The following ACVR1C variants were observed in gnomAD, a reference collection of about 807,000 sequenced individuals.
ACVR1C encodes activin receptor type-1C.
A neutral mutation model predicts 57.9 loss-of-function variants in ACVR1C; 23 were observed. That is an observed-to-expected ratio of 0.40 (90% CI 0.29 to 0.56). ACVR1C has a LOEUF of 0.56. ACVR1C is among the 20% of genes least tolerant of loss of function. ACVR1C has a pLI of 0.50. For missense variants in ACVR1C, 480 were observed against 607.9 expected (o/e 0.79, Z 2.21); for synonymous variants, 214 against 215.3 (o/e 0.99, Z 0.05).
At chr2:157,550,617 TA>T (rs755768429) in intron 3 of ACVR1C, among the ~76,000 whole-genome samples, 1 of 152,046 alleles carries the variant, frequency 6.6e-6, no homozygotes, top group Non-Finnish European at 1.5e-5. Flanking sequence ...TATTCACAAG[TA>T]AAAATTTTTT....
intron 1 of ACVR1C, 115 bp from the exon 2 acceptor site, chr2:157,587,532 A>T: frequency 1.3e-6 from 1 of 759,818 alleles, no homozygotes; most frequent in Non-Finnish European, 2.1e-6. Flanking sequence ...GGTTTAAATA[A>T]AAACACTTGC....
At chr2:157,552,947 T>C (rs918085316) in intron 3 of ACVR1C, among the ~76,000 whole-genome samples, 1 of 152,208 alleles carries the variant, frequency 6.6e-6, no homozygotes, top group African/African-American at 2.4e-5. Context: ...TCAGTCAGAA[T>C]TGTTACACCA....
Position 157,538,642 on chromosome 2 carries a change from C to A in ACVR1C, c.1287G>T (p.Glu429Asp). 6.3e-7 allele frequency: 1 copy of A among 1,585,584 alleles called. No individual in the cohort carries two copies. The change falls in exon 8 of 9, where the codon GAG becomes GAT. Residue 429 changes from glutamate to aspartate, a missense_variant. Coordinates refer to ENST00000243349, the MANE Select transcript of ACVR1C (RefSeq NM_145259.3). ...YDMVPSDPSI[E>D]EMRKVVCDQK... ...GGTCACAAACAACCTTTCTCATTTC[C>A]TCTATCGAGGGATCTGAAGGCACCA...
rs1002693895 is a variant in ACVR1C, at chr2:157,598,876, G to A, written c.74-11459C>T. Among the ~76,000 whole-genome samples the A allele has an allele frequency of 5.9e-5, 9 of 152,144 alleles. No individual in the cohort carries two copies. In the South Asian group the frequency reaches 1.7e-3, roughly 28 times the overall value. On this transcript the variant is annotated intron_variant, in intron 1 of 8. Coordinates refer to ENST00000243349, the MANE Select transcript of ACVR1C (RefSeq NM_145259.3). ...TCTAATACAAATTATTAATCTGGGG[G>A]TTGACTGCATCAGAAAGTGGAGCTG...
In ACVR1C at chr2:157,533,024, A is replaced by ATGGT. The variant is rs921189200; in HGVS notation, c.*890_*893dup. 2 of 152,202 alleles carry ATGGT rather than the reference A, an allele frequency of 1.3e-5. No individual in the cohort carries two copies. Among genetic ancestry groups the ATGGT allele is most frequent in the African/African-American group, 2.4e-5 (1 of 41,462 alleles). The allele number at this position is 152,202 out of a possible 1,614,324, so 9.4% of individuals were successfully genotyped here. A position where few individuals can be genotyped will look rare whatever the true frequency, so the allele number is the denominator to read the frequency against. The stretch of plus-strand genomic sequence containing the variant: ...TCTATGAGAAAAAATGTCAACAGAT[A>ATGGT]TGGTTCTGAGATTTTGTGCGGGTCC... On this transcript the variant is annotated 3_prime_UTR_variant, in exon 9 of 9. Coordinates refer to ENST00000243349, the MANE Select transcript of ACVR1C (RefSeq NM_145259.3).
intron 1 of ACVR1C, among the ~76,000 whole-genome samples, chr2:157,618,363 A>G (rs1459684260): frequency 2.6e-5 from 4 of 151,812 alleles, no homozygotes; most frequent in Admixed American, 1.3e-4. Flanking sequence ...TATTTAGTCA[A>G]TTTAACCAAA....
chr2:157,567,973 C>G (rs1255362925), intron 2 of ACVR1C, among the ~76,000 whole-genome samples: 1 of 127,134 alleles, frequency 7.9e-6, no homozygotes, highest in Non-Finnish European at 1.7e-5. Context: ...AGAGAAAGGT[C>G]GGGTTACCCT....
chr2:157,541,325 A>C, intron 6 of ACVR1C, 111 bp from the exon 7 acceptor site: 1 of 1,053,298 alleles, frequency 9.5e-7, no homozygotes, highest in Non-Finnish European at 1.3e-6. Context: ...GATTTGAAGC[A>C]CTATAATAGA....
chr2:157,556,192 G>A lies in ACVR1C; in HGVS notation c.445C>T (p.Pro149Ser). Residue 149 changes from proline to serine, a missense_variant, in exon 3 of 9, where the codon CCA becomes TCA. Pro to Ser is a moderately conservative substitution (Grantham distance 74, BLOSUM62 -1). Coordinates refer to ENST00000243349, the MANE Select transcript of ACVR1C (RefSeq NM_145259.3). ...TCAGAGAGTGGTTCCTCCACATTTG[G>A]TCTCTTTTTCTTCCTGTAGGAGCAC... Reference protein sequence around the residue: ...RQCSYRKKKRPNVEEPLSECN... With the variant: ...RQCSYRKKKRSNVEEPLSECN... 6.2e-7 allele frequency: 1 copy of A among 1,613,960 alleles called. No homozygotes were observed. The highest frequency in any genetic ancestry group is 8.5e-7 in the Non-Finnish European group (1 of 1,179,968).
intron 2 of ACVR1C, among the ~76,000 whole-genome samples, chr2:157,586,774 A>T (rs966210982): frequency 6.6e-6 from 1 of 152,174 alleles, no homozygotes; most frequent in African/African-American, 2.4e-5. Flanking sequence ...GTCCCCAGAA[A>T]AGTTGGCAAT....
chr2:157,566,887 C>T (rs1391681969), intron 2 of ACVR1C, among the ~76,000 whole-genome samples: 3 of 151,704 alleles, frequency 2.0e-5, no homozygotes, highest in Non-Finnish European at 4.4e-5. Flanking sequence ...GCCTGCCTGC[C>T]TCTGTAGGCT....
intron 4 of ACVR1C, among the ~76,000 whole-genome samples, chr2:157,545,621 A>T (rs1476941902): frequency 6.6e-6 from 1 of 152,224 alleles, no homozygotes; most frequent in African/African-American, 2.4e-5. Context: ...AAGGTAAAGG[A>T]ATTAAAAAAT....
intron 2 of ACVR1C, among the ~76,000 whole-genome samples, chr2:157,573,381 T>C (rs182120901): frequency 5.3e-4 from 80 of 152,350 alleles, no homozygotes; most frequent in African/African-American, 1.7e-3. Context: ...ATATTTTCTT[T>C]ATTAAAGTAA....
chr2:157,604,563 A>T (rs911007533), intron 1 of ACVR1C, among the ~76,000 whole-genome samples: 1 of 151,958 alleles, frequency 6.6e-6, no homozygotes, highest in African/African-American at 2.4e-5. Context: ...TAGGTAAAGT[A>T]AGTTTTATTT....
intron 4 of ACVR1C, among the ~76,000 whole-genome samples, chr2:157,549,864 G>C (rs571324351): frequency 0.013 from 1,871 of 148,414 alleles, 40 homozygotes; most frequent in African/African-American, 0.044. Flanking sequence ...TTAGCCAGGC[G>C]TAGTGGCGGG....
At chr2:157,575,203 A>T (rs1340234377) in intron 2 of ACVR1C, among the ~76,000 whole-genome samples, 3 of 142,634 alleles carry the variant, frequency 2.1e-5, no homozygotes, top group Non-Finnish European at 3.1e-5. Flanking sequence ...ATCTCGCCTT[A>T]CTACAACCTC....
intron 2 of ACVR1C, among the ~76,000 whole-genome samples, chr2:157,565,868 T>C (rs1426538308): frequency 6.6e-6 from 1 of 152,184 alleles, no homozygotes; most frequent in East Asian, 1.9e-4. Flanking sequence ...TCTTCTTTTA[T>C]CCATTAGCAT....
In ACVR1C at chr2:157,587,300, A is replaced by G; in HGVS notation, c.191T>C (p.Val64Ala). The change falls in exon 2 of 9, where the codon GTC becomes GCC. Residue 64 changes from valine (V) to alanine (A), a missense_variant. Val to Ala is a moderately conservative substitution (Grantham distance 64). Coordinates refer to ENST00000243349, the MANE Select transcript of ACVR1C (RefSeq NM_145259.3). Reference sequence around the variant, plus strand: ...TTGAGCATTCAGTTCTGGAAGGGAGACACAGGATTTGATCACCTGCTCTTT... The same window carrying G: ...TTGAGCATTCAGTTCTGGAAGGGAGGCACAGGATTTGATCACCTGCTCTTT... Reference protein sequence around the residue: ...NGKEQVIKSCVSLPELNAQVF... With the variant: ...NGKEQVIKSCASLPELNAQVF... The G allele has an allele frequency of 6.2e-7, 1 of 1,613,708 alleles. No homozygotes were observed. The highest frequency in any genetic ancestry group is 8.5e-7 in the Non-Finnish European group (1 of 1,179,692).
chr2:157,564,275 A>C (rs1688308207), intron 2 of ACVR1C, among the ~76,000 whole-genome samples: 1 of 152,212 alleles, frequency 6.6e-6, no homozygotes, highest in South Asian at 2.1e-4. Context: ...ACAAGAAAAA[A>C]ATCCCATCAA....
Sources: allele counts gnomAD v4.1 joint callset (sites outside exome capture counted in the v4.1 genomes callset), GRCh38; gene constraint gnomAD v4.1.1; transcripts MANE v1.5; gene names NCBI Gene and HGNC (gene_info 2026-07-23, HGNC 2026-07-21).